PDE4B: variants seen among roughly 807,000 people sequenced by gnomAD.
The protein encoded by PDE4B is phosphodiesterase 4B.
In PDE4B, 20 loss-of-function variants were observed where a neutral mutation model predicts 82.2. The ratio of observed to expected loss-of-function variants is 0.24; its 90% CI spans 0.17 to 0.35. PDE4B has a LOEUF of 0.35. Among genes scored for constraint, PDE4B ranks in the 10% least tolerant of loss-of-function variants. The pLI, the probability that PDE4B is intolerant of heterozygous loss-of-function variation, is 1.00. For synonymous variants in PDE4B, 320 were observed against 318.9 expected (o/e 1.00, Z -0.04); for missense variants, 655 against 907.2 (o/e 0.72, Z 3.57).
At chr1:66,355,762 G>A in intron 9 of PDE4B, 142 bp downstream of exon 9, 2 of 488,896 alleles carry the variant, frequency 4.1e-6, no homozygotes, top group Non-Finnish European at 7.4e-6. Context: ...ACTAAGGCCA[G>A]TCTTCAAAAG....
intron 3 of PDE4B, among the ~76,000 whole-genome samples, chr1:66,121,232 G>A (rs764871984): frequency 6.6e-6 from 1 of 152,098 alleles, no homozygotes; most frequent in Admixed American, 6.5e-5. Flanking sequence ...TCAGGGGAAG[G>A]AATGAGCACT....
chr1:66,338,160 C>T (rs1660668298), intron 8 of PDE4B, among the ~76,000 whole-genome samples: 1 of 152,166 alleles, frequency 6.6e-6, no homozygotes. Context: ...TGTTATTATT[C>T]CTGCTTTACA....
At chr1:65,829,175 TTAAAC>T (rs1371813306) in intron 1 of PDE4B, among the ~76,000 whole-genome samples, 1 of 152,184 alleles carries the variant, frequency 6.6e-6, no homozygotes, top group Non-Finnish European at 1.5e-5. Context: ...TATATTAACT[TTAAAC>T]AAAGCAGACT....
At chr1:66,046,387 G>C (rs1462201461) in intron 3 of PDE4B, 1 of 151,720 alleles carries the variant, frequency 6.6e-6, no homozygotes, top group Non-Finnish European at 1.5e-5. Flanking sequence ...TCACAAAATT[G>C]AGAAAAAGAA....
intron 1 of PDE4B, among the ~76,000 whole-genome samples, chr1:65,839,960 A>ACC (rs1646188099): frequency 6.6e-6 from 1 of 152,106 alleles, no homozygotes; most frequent in Admixed American, 6.6e-5. Flanking sequence ...TAATGATTGC[A>ACC]ATTCTAACTG....
rs186914335 is a variant in PDE4B at position 66,310,480 on chromosome 1, C to A, written c.635-22028C>A. ...ATGGAATCCCTTGGACAATGCTTTG[C>A]ACATAATAGTTACTCAGAAAAAAAG... is the stretch of plus-strand genomic sequence containing the variant. On this transcript the variant is annotated intron_variant, in intron 7 of 16. Transcript: ENST00000341517. Among the ~76,000 whole-genome samples the A allele has an allele frequency of 2.1e-3, 319 of 152,256 alleles. 1 individual carries two copies. The highest frequency in any genetic ancestry group is 3.7e-3 in the Non-Finnish European group (253 of 68,006).
intron 3 of PDE4B, among the ~76,000 whole-genome samples, chr1:66,098,171 A>G (rs2503234): frequency 1 from 151,809 of 152,236 alleles, 75,693 homozygotes; most frequent in Middle Eastern, 1. Flanking sequence ...TTGCATATCA[A>G]TCTTCAGCCA....
chr1:65,906,938 G>A (rs888739338), intron 1 of PDE4B, among the ~76,000 whole-genome samples: 1 of 152,200 alleles, frequency 6.6e-6, no homozygotes, highest in African/African-American at 2.4e-5. Flanking sequence ...AATGGTTTAA[G>A]TTCATATTAA....
Position 65,793,216 on chromosome 1 carries a change from G to A in PDE4B, c.-103G>A. On this transcript the variant is annotated 5_prime_UTR_variant, in exon 1 of 17. Coordinates refer to ENST00000341517, the MANE Select transcript of PDE4B (RefSeq NM_002600.4). ...CGGTGCAGCAGAGGCGCCTCGGGCA[G>A]GAGGAGGGCGGCTTCTGCGAGGGCA... 6.6e-6 allele frequency: 1 copy of A among 152,548 alleles called. No homozygotes were observed. The highest frequency in any genetic ancestry group is 1.5e-5 in the Non-Finnish European group (1 of 68,258). The allele number at this position is 152,548 out of a possible 1,614,324, so 9.4% of individuals were successfully genotyped here.
At chr1:66,203,378 A>C (rs1211154319) in intron 3 of PDE4B, among the ~76,000 whole-genome samples, 4 of 152,024 alleles carry the variant, frequency 2.6e-5, no homozygotes, top group Non-Finnish European at 4.4e-5. Flanking sequence ...GTATTTCCTG[A>C]ATCTGAAGTT....
chr1:65,900,499 A>T (rs956079869), intron 1 of PDE4B, among the ~76,000 whole-genome samples: 4 of 151,856 alleles, frequency 2.6e-5, no homozygotes, highest in Admixed American at 2.6e-4. Context: ...GTGAAAAATG[A>T]TGTTAGTTTG....
At position 65,825,702 on chromosome 1, in the gene PDE4B, TTACCTATCTATCTATCTATCTATC is replaced by T. The variant is rs1318138854; in HGVS notation, c.-71+32457_-71+32480del. On this transcript the variant is annotated intron_variant, in intron 1 of 16. Transcript: ENST00000341517. ...CTCTAAAAAAAAATTAAAAACAAAA[TTACCTATCTATCTATCTATCTATC>T]TATCTATCTATCTATCTATCTATCT... 5.4e-5 allele frequency among the ~76,000 whole-genome samples: 7 copies of T among 130,390 alleles called. No homozygotes were observed. The East Asian group carries it at 1.6e-3, about 29-fold the overall frequency. The allele number at this position is 130,390 out of a possible 152,430, so 85.5% of individuals were successfully genotyped here.
At chr1:65,874,247 T>C (rs1292144107) in intron 1 of PDE4B, among the ~76,000 whole-genome samples, 2 of 151,860 alleles carry the variant, frequency 1.3e-5, no homozygotes, top group Non-Finnish European at 2.9e-5. Context: ...AGAATGCTTG[T>C]GATTTTTGTA....
At chr1:65,967,972 C>T (rs1649931163) in intron 3 of PDE4B, among the ~76,000 whole-genome samples, 1 of 151,894 alleles carries the variant, frequency 6.6e-6, no homozygotes, top group South Asian at 2.1e-4. Context: ...ACCTATGTAA[C>T]AAACCTGCAT....
chr1:66,010,136 C>A (rs955436414), intron 3 of PDE4B, among the ~76,000 whole-genome samples: 1 of 151,918 alleles, frequency 6.6e-6, no homozygotes, highest in Non-Finnish European at 1.5e-5. Context: ...AATAAATAGA[C>A]AAATGAGTTG....
chr1:66,152,682 T>C (rs1191494905), intron 3 of PDE4B: 1 of 150,212 alleles, frequency 6.7e-6, no homozygotes, highest in Non-Finnish European at 1.5e-5. Flanking sequence ...AGAAGTTTAT[T>C]GTAAGGAACC....
At chr1:65,859,619 T>G (rs1033134718) in intron 1 of PDE4B, among the ~76,000 whole-genome samples, 7 of 152,144 alleles carry the variant, frequency 4.6e-5, no homozygotes, top group African/African-American at 1.7e-4. Flanking sequence ...GCGAGCTTGC[T>G]GTAAAAAAAG....
chr1:65,807,803 T>C (rs1175005905), intron 1 of PDE4B, among the ~76,000 whole-genome samples: 1 of 152,056 alleles, frequency 6.6e-6, no homozygotes, highest in African/African-American at 2.4e-5. Context: ...AGGGTTGGAG[T>C]GGGCAGGGCA....
chr1:65,996,048 T>A (rs1244160589), intron 3 of PDE4B, among the ~76,000 whole-genome samples: 3 of 152,218 alleles, frequency 2.0e-5, no homozygotes, highest in African/African-American at 7.2e-5. Context: ...AAATTCTGAC[T>A]CTGGGCTATT....
Sources: allele counts gnomAD v4.1 joint callset (sites outside exome capture counted in the v4.1 genomes callset), GRCh38; gene constraint gnomAD v4.1.1; transcripts MANE v1.5; gene names NCBI Gene and HGNC (gene_info 2026-07-23, HGNC 2026-07-21).